Variants in SUCLG2 observed in about 807,000 individuals in gnomAD.
SUCLG2 encodes the protein succinate-CoA ligase GDP-forming subunit beta, also known as succinate--CoA ligase [GDP-forming] subunit beta, mitochondrial.
SUCLG2 carries 42 observed loss-of-function variants against 47.9 expected under a neutral mutation model. That is an observed-to-expected ratio of 0.88 (90% CI 0.69 to 1.14). The LOEUF (loss-of-function observed/expected upper bound fraction) is 1.14, where lower values mean the gene tolerates loss of function less well. Among genes scored for constraint, SUCLG2 ranks in the 50% most tolerant of loss-of-function variants. The pLI, the probability that SUCLG2 is intolerant of heterozygous loss-of-function variation, is 0.00. For missense variants in SUCLG2, 571 were observed against 525.9 expected (o/e 1.09, Z -0.84); for synonymous variants, 195 against 197.3 (o/e 0.99, Z 0.10).
intron 9 of SUCLG2, among the ~76,000 whole-genome samples, chr3:67,438,679 T>A (rs143780002): frequency 8.5e-5 from 13 of 152,244 alleles, no homozygotes; most frequent in Non-Finnish European, 1.6e-4. Context: ...CTCCCAAGAC[T>A]AAAGCAGGAA....
intron 9 of SUCLG2, among the ~76,000 whole-genome samples, chr3:67,405,034 G>A (rs4443191): frequency 2.0e-5 from 3 of 149,422 alleles, no homozygotes; most frequent in African/African-American, 7.4e-5. Flanking sequence ...AGACTCTCCC[G>A]GAAGATCCCA....
At chr3:67,619,260 C>T (rs189148160) in intron 1 of SUCLG2, among the ~76,000 whole-genome samples, 19 of 152,256 alleles carry the variant, frequency 1.2e-4, no homozygotes, top group African/African-American at 3.9e-4. Flanking sequence ...AAAGCATTAC[C>T]TCGTGAGATT....
chr3:67,537,182 C>G (rs928481034), intron 2 of SUCLG2, among the ~76,000 whole-genome samples: 1 of 152,056 alleles, frequency 6.6e-6, no homozygotes, highest in African/African-American at 2.4e-5. Context: ...TCCTAATTTT[C>G]TGTTATTTAA....
At chr3:67,566,238 T>C (rs1199197832) in intron 2 of SUCLG2, among the ~76,000 whole-genome samples, 1 of 152,206 alleles carries the variant, frequency 6.6e-6, no homozygotes, top group Non-Finnish European at 1.5e-5. Flanking sequence ...ACTTCTCAGG[T>C]TGCAAATTTG....
At chr3:67,489,250 G>C (rs535099523) in intron 9 of SUCLG2, among the ~76,000 whole-genome samples, 4 of 152,214 alleles carry the variant, frequency 2.6e-5, no homozygotes, top group African/African-American at 9.6e-5. Context: ...TAATTAACTA[G>C]ACATCAGGAA....
intron 1 of SUCLG2, among the ~76,000 whole-genome samples, chr3:67,614,897 T>G (rs1305220206): frequency 6.6e-6 from 1 of 152,178 alleles, no homozygotes; most frequent in East Asian, 1.9e-4. Context: ...ACATGGATTT[T>G]GGCAAAGTGA....
intron 2 of SUCLG2, among the ~76,000 whole-genome samples, chr3:67,594,783 A>C (rs1019099989): frequency 6.6e-6 from 1 of 152,216 alleles, no homozygotes; most frequent in Non-Finnish European, 1.5e-5. Flanking sequence ...AGAAAGTGAA[A>C]ATCAGTAAGA....
chr3:67,373,164 TCAAA>T (rs923910103), downstream of SUCLG2, among the ~76,000 whole-genome samples: 785 of 152,062 alleles, frequency 5.2e-3, 3 homozygotes, highest in African/African-American at 0.017. Flanking sequence ...ATGATCACAA[TCAAA>T]CATTCAAATA....
chr3:67,393,302 C>T (rs1702438298), intron 10 of SUCLG2, among the ~76,000 whole-genome samples: 1 of 152,176 alleles, frequency 6.6e-6, no homozygotes, highest in African/African-American at 2.4e-5. Context: ...CCTGGAAAAT[C>T]GGGTCACTCC....
intron 7 of SUCLG2, among the ~76,000 whole-genome samples, chr3:67,499,144 C>G (rs1418342192): frequency 6.6e-6 from 1 of 152,054 alleles, no homozygotes; most frequent in Admixed American, 6.6e-5. Context: ...TAATTAAACA[C>G]AGTGAAATGA....
At chr3:67,372,603 T>C (rs758296542), downstream of SUCLG2, among the ~76,000 whole-genome samples, 15 of 152,190 alleles carry the variant, frequency 9.9e-5, no homozygotes, top group Middle Eastern at 3.2e-3. Flanking sequence ...CTGCAGACAG[T>C]CCTTGTGGTG....
chr3:67,520,646 G>A lies in SUCLG2; in HGVS notation c.418-12C>T, dbSNP rs377359813. The A allele has an allele frequency of 1.6e-4, 254 of 1,596,354 alleles. No homozygotes were observed. In the African/African-American group the frequency reaches 3.1e-3, roughly 19 times the overall value. ...TCAGCAACCATCACCTACCACATTA[G>A]TGGGAAAGTCAAATTAATTCAGCAT... On this transcript the variant is annotated splice_polypyrimidine_tract_variant and intron_variant, in intron 4 of 10. Coordinates refer to ENST00000307227, the MANE Select transcript of SUCLG2 (RefSeq NM_003848.4).
intron 9 of SUCLG2, among the ~76,000 whole-genome samples, chr3:67,436,400 T>C (rs929724187): frequency 2.0e-5 from 3 of 152,132 alleles, no homozygotes; most frequent in Non-Finnish European, 4.4e-5. Context: ...GGCATCACCA[T>C]GCTAAATAAT....
intron 4 of SUCLG2, among the ~76,000 whole-genome samples, chr3:67,521,011 A>T (rs1391220638): frequency 6.6e-6 from 1 of 152,158 alleles, no homozygotes; most frequent in African/African-American, 2.4e-5. Context: ...CTTTTCTCAG[A>T]TTTCACTGGT....
At chr3:67,537,514 G>C (rs1706578128) in intron 2 of SUCLG2, among the ~76,000 whole-genome samples, 2 of 152,176 alleles carry the variant, frequency 1.3e-5, no homozygotes, top group Admixed American at 1.3e-4. Flanking sequence ...ATTGTGCACA[G>C]TGCCGAAATA....
At chr3:67,475,350 A>C (rs568533807) in intron 9 of SUCLG2, among the ~76,000 whole-genome samples, 1 of 152,230 alleles carries the variant, frequency 6.6e-6, no homozygotes, top group Admixed American at 6.5e-5. Context: ...AATGGCAAGG[A>C]AACTTTGAGT....
chr3:67,495,967 C>A, intron 8 of SUCLG2, 27 bp from the exon 9 acceptor site: 1 of 1,613,310 alleles, frequency 6.2e-7, no homozygotes, highest in Non-Finnish European at 8.5e-7. Flanking sequence ...GGACACAAGA[C>A]AGGCTACATT....
chr3:67,452,625 T>C (rs1483407080), intron 9 of SUCLG2, among the ~76,000 whole-genome samples: 1 of 152,164 alleles, frequency 6.6e-6, no homozygotes, highest in Non-Finnish European at 1.5e-5. Flanking sequence ...CACATCCAGT[T>C]TAGCTCTTCC....
chr3:67,414,391 C>G (rs1702991893), intron 9 of SUCLG2, among the ~76,000 whole-genome samples: 1 of 152,088 alleles, frequency 6.6e-6, no homozygotes, highest in East Asian at 1.9e-4. Context: ...GGGGGTACTT[C>G]TTATGGGAGA....
Sources: gnomAD v4.1 joint callset for allele counts (sites outside exome capture counted in the v4.1 genomes callset) on GRCh38, gnomAD v4.1.1 for gene constraint, MANE v1.5 for transcripts, NCBI Gene and HGNC (gene_info 2026-07-23, HGNC 2026-07-21) for gene names.